The following ATP10A variants were observed in gnomAD, a reference collection of about 807,000 sequenced individuals.
The protein encoded by ATP10A is ATPase phospholipid transporting 10A (putative), also known as phospholipid-transporting ATPase VA.
A neutral mutation model predicts 147.8 loss-of-function variants in ATP10A; 111 were observed. The observed-to-expected ratio is 0.75, with a 90% CI of 0.64 to 0.88. The LOEUF (loss-of-function observed/expected upper bound fraction) is 0.88. ATP10A is among the 40% of genes least tolerant of loss of function. ATP10A has a pLI of 0.00. For synonymous variants in ATP10A, 875 were observed against 841.6 expected, an observed-to-expected ratio of 1.04 and a Z score of -0.69; for missense variants, 1,927 against 1,959.0, an observed-to-expected ratio of 0.98 and a Z score of 0.31.
chr15:25,816,303 A>G (rs1024551860), intron 1 of ATP10A, among the ~76,000 whole-genome samples: 3 of 151,802 alleles, frequency 2.0e-5, no homozygotes, highest in African/African-American at 2.4e-5. Context: ...GCCTCAAGCT[A>G]TCTTCCCACC....
At chr15:25,844,209 T>C (rs1892923741) in intron 1 of ATP10A, among the ~76,000 whole-genome samples, 1 of 152,192 alleles carries the variant, frequency 6.6e-6, no homozygotes, top group African/African-American at 2.4e-5. Context: ...AATTTGAACA[T>C]TTTCATAAAG....
chr15:25,716,274 C>A (rs545691284), intron 9 of ATP10A, among the ~76,000 whole-genome samples: 1 of 152,220 alleles, frequency 6.6e-6, no homozygotes, highest in Non-Finnish European at 1.5e-5. Context: ...GCTGGGCCCC[C>A]GGCCTGTCTT....
intron 1 of ATP10A, among the ~76,000 whole-genome samples, chr15:25,813,316 A>G (rs1214453005): frequency 6.6e-6 from 1 of 152,224 alleles, no homozygotes; most frequent in African/African-American, 2.4e-5. Context: ...CGCTAGGGGA[A>G]AATGCCTGGA....
intron 1 of ATP10A, among the ~76,000 whole-genome samples, chr15:25,821,810 A>G (rs1891904092): frequency 6.6e-6 from 1 of 152,240 alleles, no homozygotes; most frequent in Admixed American, 6.5e-5. Flanking sequence ...CAGCTATGCC[A>G]AATTGGTAAC....
At chr15:25,824,083 C>T (rs1486585153) in intron 1 of ATP10A, among the ~76,000 whole-genome samples, 2 of 152,062 alleles carry the variant, frequency 1.3e-5, no homozygotes, top group Non-Finnish European at 2.9e-5. Context: ...TAAAAATTTG[C>T]TACAAGGCAA....
At chr15:25,737,399 G>A (rs1344842872) in intron 2 of ATP10A, among the ~76,000 whole-genome samples, 1 of 152,196 alleles carries the variant, frequency 6.6e-6, no homozygotes, top group Non-Finnish European at 1.5e-5. Context: ...GAGGAGGGTA[G>A]GACTTAAAAT....
intron 2 of ATP10A, among the ~76,000 whole-genome samples, chr15:25,780,667 C>T (rs1214538657): frequency 6.6e-6 from 1 of 152,244 alleles, no homozygotes; most frequent in Non-Finnish European, 1.5e-5. Flanking sequence ...CAGGCCATGA[C>T]TCCTGCTGCG....
chr15:25,705,017 T>C lies in ATP10A; in HGVS notation c.2576-2917A>G, dbSNP rs373460590. On this transcript the variant is annotated intron_variant, in intron 12 of 20. Transcript: ENST00000555815. ...AAACTAGCAAGGACGCCGGGGAAAATGAGCAAGAGTATCCTTTGAATTTAG... is the reference window on the plus strand; with the variant it reads ...AAACTAGCAAGGACGCCGGGGAAAACGAGCAAGAGTATCCTTTGAATTTAG... 4.9e-4 allele frequency among the ~76,000 whole-genome samples: 75 copies of C among 152,212 alleles called. 1 individual carries two copies. The South Asian group carries it at 0.014, about 29-fold the overall frequency.
chr15:25,720,855 CCTT>C (rs1902170737), intron 7 of ATP10A, among the ~76,000 whole-genome samples: 2 of 152,234 alleles, frequency 1.3e-5, no homozygotes, highest in Admixed American at 6.5e-5. Context: ...CCCACCAAAT[CCTT>C]CTAAAGAGCA....
At chr15:25,734,969 G>A (rs1157521125) in intron 3 of ATP10A, among the ~76,000 whole-genome samples, 1 of 143,130 alleles carries the variant, frequency 7.0e-6, no homozygotes, top group African/African-American at 2.6e-5. Context: ...GAAGCAGATC[G>A]CTCCCACGCC....
intron 2 of ATP10A, among the ~76,000 whole-genome samples, chr15:25,760,169 A>G (rs1053116085): frequency 6.6e-6 from 1 of 152,184 alleles, no homozygotes; most frequent in Non-Finnish European, 1.5e-5. Context: ...ACTTTAGGAC[A>G]TTCCAGAAAG....
intron 1 of ATP10A, among the ~76,000 whole-genome samples, chr15:25,830,310 C>T (rs1892302485): frequency 6.6e-6 from 1 of 152,120 alleles, no homozygotes; most frequent in African/African-American, 2.4e-5. Flanking sequence ...TGCAGAGCCA[C>T]CTTGGGAAGT....
At chr15:25,705,452 A>C (rs1025856081) in intron 12 of ATP10A, among the ~76,000 whole-genome samples, 23 of 27,892 alleles carry the variant, frequency 8.2e-4, no homozygotes, top group African/African-American at 1.8e-3. Flanking sequence ...AAAAAAAAAA[A>C]ACAAAAAAAA....
rs34212354 is a variant in ATP10A at position 25,847,609 on chromosome 15, C to CTTTTTTTTTT, written c.449+15029_449+15038dup. Among the ~76,000 whole-genome samples, 31 of 40,738 alleles carry CTTTTTTTTTT rather than the reference C, an allele frequency of 7.6e-4. 9 individuals are homozygous for CTTTTTTTTTT. Among genetic ancestry groups the CTTTTTTTTTT allele is most frequent in the East Asian group, 2.1e-3 (2 of 958 alleles). 26.7% of individuals were successfully genotyped at this position (40,738 alleles called of 152,430 possible). ...CCTAGCTAATTCAAACAGCTACAGC[C>CTTTTTTTTTT]TTTTTTTTTTTTTTTTTTTTTTTTT... is the stretch of plus-strand genomic sequence containing the variant. On this transcript the variant is annotated intron_variant, in intron 1 of 20. Coordinates refer to ENST00000555815, the MANE Select transcript of ATP10A (RefSeq NM_024490.4).
intron 10 of ATP10A, chr15:25,709,618 A>C (rs1384132703): frequency 1.3e-5 from 2 of 152,408 alleles, no homozygotes; most frequent in East Asian, 3.9e-4. Flanking sequence ...ACGGCCCCAC[A>C]GGTGTCTGCT....
chr15:25,781,292 C>T lies in ATP10A; in HGVS notation c.450-69G>A, dbSNP rs1467062128. 1.4e-5 allele frequency: 19 copies of T among 1,337,118 alleles called. No homozygotes were observed. In the East Asian group the frequency reaches 2.0e-4, roughly 14 times the overall value. 82.8% of individuals were successfully genotyped at this position (1,337,118 alleles called of 1,614,324 possible). A position where few individuals can be genotyped will look rare whatever the true frequency, so the allele number is the denominator to read the frequency against. On this transcript the variant is annotated intron_variant, in intron 1 of 20. Transcript: ENST00000555815. ...CGTGGCTGGATCTGGGTGATGGGCA[C>T]GTGGGGCTCATATGGCAATTCTTTC...
At chr15:25,741,320 T>C (rs1467984921) in intron 2 of ATP10A, among the ~76,000 whole-genome samples, 1 of 152,158 alleles carries the variant, frequency 6.6e-6, no homozygotes, top group Non-Finnish European at 1.5e-5. Context: ...TGCTGGGCTC[T>C]TGGGGACCTA....
chr15:25,761,712 A>T (rs1888767712), intron 2 of ATP10A, among the ~76,000 whole-genome samples: 3 of 151,494 alleles, frequency 2.0e-5, no homozygotes, highest in Non-Finnish European at 4.4e-5. Flanking sequence ...GTTTTAGCCA[A>T]CCTCTCCCAT....
At chr15:25,720,766 G>T (rs575169145) in intron 7 of ATP10A, among the ~76,000 whole-genome samples, 10 of 152,328 alleles carry the variant, frequency 6.6e-5, no homozygotes, top group African/African-American at 2.4e-4. Flanking sequence ...TTCATTTTGT[G>T]TTGAGGAAGA....
Sources: allele counts gnomAD v4.1 joint callset (sites outside exome capture counted in the v4.1 genomes callset), GRCh38; gene constraint gnomAD v4.1.1; transcripts MANE v1.5; gene names NCBI Gene and HGNC (gene_info 2026-07-23, HGNC 2026-07-21).